Variants in MTAP observed in about 807,000 individuals in gnomAD.
The protein encoded by MTAP is methylthioadenosine phosphorylase.
In MTAP, 33 loss-of-function variants were observed where a neutral mutation model predicts 33.6. That is an observed-to-expected ratio of 0.98 (90% CI 0.74 to 1.31). The LOEUF is 1.31. MTAP is among the 40% of genes most tolerant of loss of function. MTAP has a pLI of 0.00. For synonymous variants in MTAP, 148 were observed against 125.7 expected (o/e 1.18, Z -1.19); for missense variants, 367 against 360.0 (o/e 1.02, Z -0.16).
intron 1 of MTAP, among the ~76,000 whole-genome samples, chr9:21,891,074 G>T (rs575660122): frequency 6.6e-6 from 1 of 152,198 alleles, no homozygotes. Context: ...ATAATTGAAA[G>T]AAGGTTATCT....
downstream of MTAP, among the ~76,000 whole-genome samples, chr9:21,938,862 C>T (rs2131060286): frequency 6.6e-6 from 1 of 152,278 alleles, no homozygotes; most frequent in East Asian, 1.9e-4. Flanking sequence ...CATTGGACTG[C>T]ATAAGAATTT....
At chr9:21,913,811 C>T (rs112029123) in intron 1 of MTAP, among the ~76,000 whole-genome samples, 38 of 152,120 alleles carry the variant, frequency 2.5e-4, no homozygotes, top group Admixed American at 2.0e-3. Flanking sequence ...TTCTGCACAG[C>T]GAAAGAAACT....
At chr9:21,919,474 A>C (rs1206057085) in intron 1 of MTAP, among the ~76,000 whole-genome samples, 9 of 152,354 alleles carry the variant, frequency 5.9e-5, no homozygotes, top group Non-Finnish European at 1.2e-4. Context: ...GGTGGAAGTG[A>C]GGTTAAGAGA....
At chr9:21,925,137 A>G (rs1406387097) in intron 1 of MTAP, among the ~76,000 whole-genome samples, 1 of 152,212 alleles carries the variant, frequency 6.6e-6, no homozygotes, top group Non-Finnish European at 1.5e-5. Context: ...GCATGTTCTT[A>G]TGTCTCGTAG....
At chr9:21,845,305 C>T (rs1825352058) in intron 5 of MTAP, among the ~76,000 whole-genome samples, 1 of 152,122 alleles carries the variant, frequency 6.6e-6, no homozygotes, top group African/African-American at 2.4e-5. Flanking sequence ...CAAAAAGCTC[C>T]TAGATAAATG....
At chr9:21,916,057 AGG>A (rs1818682818) in intron 1 of MTAP, among the ~76,000 whole-genome samples, 1 of 105,144 alleles carries the variant, frequency 9.5e-6, no homozygotes, top group Admixed American at 1.1e-4. Flanking sequence ...AGAGAGAGGG[AGG>A]GAGGGAGGGA....
intron 1 of MTAP, among the ~76,000 whole-genome samples, chr9:21,927,580 T>TATCA (rs1483229089): frequency 6.6e-6 from 1 of 152,182 alleles, no homozygotes; most frequent in East Asian, 1.9e-4. Flanking sequence ...AGACTTACAA[T>TATCA]ATCAGCCCCT....
At chr9:21,873,539 A>C (rs1255638106) in intron 1 of MTAP, among the ~76,000 whole-genome samples, 3 of 151,940 alleles carry the variant, frequency 2.0e-5, no homozygotes, top group Admixed American at 2.0e-4. Context: ...AGAAGGTGGC[A>C]TCTATGAAGT....
intron 1 of MTAP, among the ~76,000 whole-genome samples, chr9:21,877,985 CA>C (rs2118681456): frequency 6.6e-6 from 1 of 152,088 alleles, no homozygotes; most frequent in East Asian, 1.9e-4. Flanking sequence ...TCTGTCTAGA[CA>C]TGAGCTTTTT....
chr9:21,935,431 T>C (rs1819026345), downstream of MTAP: 1 of 152,100 alleles, frequency 6.6e-6, no homozygotes, highest in Non-Finnish European at 1.5e-5. Flanking sequence ...GTTTTTTTTT[T>C]TTAAAGAAGG....
At chr9:21,815,315 A>C (rs999394714) in intron 1 of MTAP, 118 bp from the exon 2 acceptor site, 1 of 638,876 alleles carries the variant, frequency 1.6e-6, no homozygotes, top group Admixed American at 3.6e-5. Context: ...ATTTCAAAAA[A>C]ATAACTAGGG....
At chr9:21,913,152 A>G (rs1818612671) in intron 1 of MTAP, among the ~76,000 whole-genome samples, 1 of 152,258 alleles carries the variant, frequency 6.6e-6, no homozygotes, top group Admixed American at 6.5e-5. Flanking sequence ...ATAGAAGAAC[A>G]TTCCATGCTC....
At chr9:21,899,746 G>A (rs577836033) in intron 1 of MTAP, among the ~76,000 whole-genome samples, 1 of 152,082 alleles carries the variant, frequency 6.6e-6, no homozygotes, top group Non-Finnish European at 1.5e-5. Flanking sequence ...CCCTTGACAC[G>A]TGGGTATTAT....
At chr9:21,896,054 AAACT>A (rs1378422184) in intron 1 of MTAP, among the ~76,000 whole-genome samples, 1 of 152,214 alleles carries the variant, frequency 6.6e-6, no homozygotes, top group African/African-American at 2.4e-5. Flanking sequence ...AAATTATAAC[AAACT>A]GTCTCTCAGA....
chr9:21,811,375 A>G (rs1418421718), intron 1 of MTAP, among the ~76,000 whole-genome samples: 3 of 152,234 alleles, frequency 2.0e-5, no homozygotes, highest in African/African-American at 7.2e-5. Flanking sequence ...GACCAGGTGA[A>G]CTGGTATTTG....
downstream of MTAP, among the ~76,000 whole-genome samples, chr9:21,871,883 T>TA (rs1825943324): frequency 6.6e-6 from 1 of 152,204 alleles, no homozygotes; most frequent in Non-Finnish European, 1.5e-5. Flanking sequence ...ATGACTTACA[T>TA]ATTAGGTGTT....
intron 1 of MTAP, among the ~76,000 whole-genome samples, chr9:21,887,060 C>T (rs1191039200): frequency 6.6e-6 from 1 of 152,112 alleles, no homozygotes; most frequent in African/African-American, 2.4e-5. Flanking sequence ...TTGGTTTTCC[C>T]TATCCATGAA....
chr9:21,904,038 G>C (rs1386275363), intron 1 of MTAP, among the ~76,000 whole-genome samples: 3 of 152,198 alleles, frequency 2.0e-5, no homozygotes, highest in African/African-American at 7.2e-5. Context: ...GCAGATGGGG[G>C]AGCCAGAAAG....
rs1457806722 is a variant in MTAP at position 21,836,894 on chromosome 9, G to A, written c.348-1014G>A. ...AGTAGACTTGCCAGCTGTGTAAACG[G>A]AACCAGTGAAACTATTTCTCAGTGC... is the stretch of plus-strand genomic sequence containing the variant. On this transcript the variant is annotated intron_variant, in intron 4 of 7. Coordinates refer to ENST00000644715, the MANE Select transcript of MTAP (RefSeq NM_002451.4). Among the ~76,000 whole-genome samples, 6 of 152,178 alleles carry A rather than the reference G, an allele frequency of 3.9e-5. No homozygotes were observed. The East Asian group carries it at 1.2e-3, about 29-fold the overall frequency.
Sources: allele counts gnomAD v4.1 joint callset (sites outside exome capture counted in the v4.1 genomes callset), GRCh38; gene constraint gnomAD v4.1.1; transcripts MANE v1.5; gene names NCBI Gene and HGNC (gene_info 2026-07-23, HGNC 2026-07-21).